The following CALN1 variants were observed in gnomAD, a reference collection of about 807,000 sequenced individuals.
CALN1 encodes the protein calneuron 1.
In CALN1, 17 loss-of-function variants were observed where a neutral mutation model predicts 30.6. That is an observed-to-expected ratio of 0.56 (90% CI 0.38 to 0.83). The LOEUF (loss-of-function observed/expected upper bound fraction) is 0.83, where lower values mean the gene tolerates loss of function less well. CALN1 is among the 40% of genes least tolerant of loss of function. The pLI is 0.00. For synonymous variants in CALN1, 156 were observed against 131.4 expected (o/e 1.19, Z -1.28); for missense variants, 291 against 354.9 (o/e 0.82, Z 1.45).
intron 2 of CALN1, among the ~76,000 whole-genome samples, chr7:72,319,794 A>C (rs2129557172): frequency 6.6e-6 from 1 of 152,238 alleles, no homozygotes; most frequent in South Asian, 2.1e-4. Context: ...CTTGGGAGCT[A>C]AATAATGTGT....
the CALN1 span, among the ~76,000 whole-genome samples, chr7:72,489,218 C>A: frequency 6.6e-6 from 1 of 152,160 alleles, no homozygotes; most frequent in South Asian, 2.1e-4. Context: ...ACAGGGGAAA[C>A]AGGCAGAACA....
chr7:71,973,367 G>A (rs750252846), intron 5 of CALN1, among the ~76,000 whole-genome samples: 6 of 152,060 alleles, frequency 3.9e-5, no homozygotes, highest in Non-Finnish European at 7.4e-5. Flanking sequence ...GTAGAGACGG[G>A]GTTTTGCCAT....
At chr7:71,942,203 C>T (rs754249233) in intron 5 of CALN1, 47 of 172,220 alleles carry the variant, frequency 2.7e-4, no homozygotes, top group African/African-American at 1.0e-3. Flanking sequence ...GTCTCAAAAA[C>T]GAAAAACAAA....
At chr7:72,246,504 A>T (rs1795167612) in intron 3 of CALN1, among the ~76,000 whole-genome samples, 1 of 152,102 alleles carries the variant, frequency 6.6e-6, no homozygotes, top group South Asian at 2.1e-4. Flanking sequence ...ACTTTCAGTA[A>T]CTCTATAATT....
chr7:72,343,832 C>T (rs751788949), intron 2 of CALN1, among the ~76,000 whole-genome samples: 10 of 152,042 alleles, frequency 6.6e-5, no homozygotes, highest in Admixed American at 2.6e-4. Context: ...TGTCTCCAGG[C>T]GAAACCTTTC....
At chr7:72,272,312 A>G (rs1407428155) in intron 3 of CALN1, among the ~76,000 whole-genome samples, 1 of 152,104 alleles carries the variant, frequency 6.6e-6, no homozygotes, top group Non-Finnish European at 1.5e-5. Flanking sequence ...CTATAATTTC[A>G]GCACTTTGGG....
chr7:72,017,221 CCA>C (rs1366327635), intron 5 of CALN1, among the ~76,000 whole-genome samples: 4 of 148,736 alleles, frequency 2.7e-5, no homozygotes, highest in Non-Finnish European at 4.5e-5. Flanking sequence ...AAATGGAAAG[CCA>C]CAGGAGACAC....
Position 72,027,712 on chromosome 7 carries a change from AAAAC to A in CALN1, c.389-3947_389-3944del, listed in dbSNP as rs1225859157. Among the ~76,000 whole-genome samples the A allele has an allele frequency of 1.7e-4, 25 of 144,260 alleles. No homozygotes were observed. In the South Asian group the frequency reaches 1.8e-3, roughly 10 times the overall value. 94.6% of individuals were successfully genotyped at this position (144,260 alleles called of 152,430 possible). A position where few individuals can be genotyped will look rare whatever the true frequency, so the allele number is the denominator to read the frequency against. On this transcript the variant is annotated intron_variant, in intron 4 of 6. Transcript: ENST00000395275. The stretch of plus-strand genomic sequence containing the variant: ...GGTTGACAGAGTGAGACCCTGTCTC[AAAAC>A]AAACAAACAAACACACACACACACA...
intron 1 of CALN1, among the ~76,000 whole-genome samples, chr7:72,409,405 C>T (rs1423496563): frequency 2.0e-5 from 3 of 149,010 alleles, no homozygotes; most frequent in African/African-American, 4.9e-5. Flanking sequence ...ACTGTATCCA[C>T]ATACCTCCCT....
At chr7:71,936,406 A>G (rs1014084561) in intron 5 of CALN1, among the ~76,000 whole-genome samples, 4 of 151,736 alleles carry the variant, frequency 2.6e-5, no homozygotes, top group African/African-American at 9.6e-5. Context: ...TCTCAAAAAA[A>G]AAAAAAAAAA....
chr7:72,447,576 TG>T (rs1212453531), upstream of CALN1, among the ~76,000 whole-genome samples: 1 of 152,150 alleles, frequency 6.6e-6, no homozygotes, highest in Non-Finnish European at 1.5e-5. Flanking sequence ...GTGGGAAACC[TG>T]GTCTGTACTG....
At chr7:72,184,586 G>A (rs543190898) in intron 3 of CALN1, among the ~76,000 whole-genome samples, 101 of 152,234 alleles carry the variant, frequency 6.6e-4, no homozygotes, top group African/African-American at 2.2e-3. Context: ...ATCCTCTGTC[G>A]TAGCTGGAAA....
intron 4 of CALN1, among the ~76,000 whole-genome samples, chr7:72,085,484 A>G (rs963861142): frequency 2.8e-5 from 4 of 140,888 alleles, no homozygotes; most frequent in Non-Finnish European, 6.1e-5. Context: ...ACTTTATTAT[A>G]ACTATTTATG....
chr7:72,451,640 T>C (rs1808669992), upstream of CALN1, among the ~76,000 whole-genome samples: 1 of 152,026 alleles, frequency 6.6e-6, no homozygotes, highest in Admixed American at 6.6e-5. Context: ...GTCCCTCAGC[T>C]CCTGCCTAAG....
chr7:71,970,892 A>G (rs1797761013), intron 5 of CALN1, among the ~76,000 whole-genome samples: 1 of 152,228 alleles, frequency 6.6e-6, no homozygotes, highest in Non-Finnish European at 1.5e-5. Flanking sequence ...TGATAGGTTC[A>G]GCAAAATTGA....
intron 2 of CALN1, among the ~76,000 whole-genome samples, chr7:72,392,334 T>C (rs1204234192): frequency 1.3e-5 from 2 of 152,168 alleles, no homozygotes; most frequent in East Asian, 3.9e-4. Context: ...GCAGGATGGT[T>C]GTTGGTTTAT....
intron 3 of CALN1, among the ~76,000 whole-genome samples, chr7:72,259,071 A>G (rs887372196): frequency 6.6e-6 from 1 of 150,724 alleles, no homozygotes; most frequent in Non-Finnish European, 1.5e-5. Flanking sequence ...ACAGAGCGAG[A>G]CTCCATTTCA....
chr7:71,803,507 C>T (rs1787424886), intron 6 of CALN1, among the ~76,000 whole-genome samples: 1 of 152,102 alleles, frequency 6.6e-6, no homozygotes, highest in Admixed American at 6.6e-5. Flanking sequence ...CAGAGTCTTG[C>T]TCTGTTGCCC....
At chr7:72,335,854 G>A (rs1801990050) in intron 2 of CALN1, among the ~76,000 whole-genome samples, 2 of 152,160 alleles carry the variant, frequency 1.3e-5, no homozygotes, top group Admixed American at 6.5e-5. Context: ...TGGATGGGGC[G>A]TCCCCCGCTC....
Sources: allele counts gnomAD v4.1 joint callset (sites outside exome capture counted in the v4.1 genomes callset), GRCh38; gene constraint gnomAD v4.1.1; transcripts MANE v1.5; gene names NCBI Gene and HGNC (gene_info 2026-07-23, HGNC 2026-07-21).